The following ASIC2 variants were observed in gnomAD, a reference collection of about 807,000 sequenced individuals.
The protein encoded by ASIC2 is acid-sensing ion channel 2.
Under a neutral mutation model 57.3 loss-of-function variants are expected in ASIC2, and 25 were observed. The ratio of observed to expected loss-of-function variants is 0.44; its 90% CI spans 0.32 to 0.61. The LOEUF (loss-of-function observed/expected upper bound fraction) is 0.61, where lower values mean the gene tolerates loss of function less well. Ranked by LOEUF, ASIC2 falls within the 20% of genes least tolerant of loss-of-function variation. The pLI, the probability that ASIC2 is intolerant of heterozygous loss-of-function variation, is 0.06. For missense variants in ASIC2, 641 were observed against 738.1 expected, an observed-to-expected ratio of 0.87 and a Z score of 1.52; for synonymous variants, 319 against 307.5, an observed-to-expected ratio of 1.04 and a Z score of -0.39.
chr17:33,690,743 G>GTTTTT (rs527881591), intron 1 of ASIC2, among the ~76,000 whole-genome samples: 53 of 81,688 alleles, frequency 6.5e-4, no homozygotes, highest in Admixed American at 8.4e-4. Flanking sequence ...ACTCTTCATT[G>GTTTTT]TTTTTTTTTT....
chr17:34,078,562 C>T (rs574438012), intron 1 of ASIC2, among the ~76,000 whole-genome samples: 1 of 152,206 alleles, frequency 6.6e-6, no homozygotes, highest in Admixed American at 6.5e-5. Context: ...CCTAGCACCC[C>T]CGGAAGTGCT....
chr17:33,083,721 T>C (rs72817096), intron 3 of ASIC2, among the ~76,000 whole-genome samples: 1 of 152,070 alleles, frequency 6.6e-6, no homozygotes, highest in African/African-American at 2.4e-5. Flanking sequence ...TCTGCATCAT[T>C]GGGATGTAGG....
At chr17:33,540,778 C>A (rs1290758251) in intron 1 of ASIC2, among the ~76,000 whole-genome samples, 2 of 152,286 alleles carry the variant, frequency 1.3e-5, no homozygotes, top group South Asian at 2.1e-4. Flanking sequence ...GCACAGAGAT[C>A]AGCACACAGG....
intron 1 of ASIC2, among the ~76,000 whole-genome samples, chr17:33,685,536 G>C (rs1200556834): frequency 1.3e-5 from 2 of 152,180 alleles, no homozygotes. Context: ...TCCAATCAAG[G>C]AGTGACTAGC....
intron 1 of ASIC2, among the ~76,000 whole-genome samples, chr17:33,923,794 A>G (rs1915761240): frequency 1.3e-5 from 2 of 152,166 alleles, no homozygotes; most frequent in South Asian, 4.1e-4. Context: ...AGAAGATAGT[A>G]GAGTATGAGA....
At chr17:33,417,512 A>G (rs748859781) in intron 1 of ASIC2, among the ~76,000 whole-genome samples, 2 of 152,216 alleles carry the variant, frequency 1.3e-5, no homozygotes, top group Non-Finnish European at 1.5e-5. Context: ...GTAAAAAGAC[A>G]GTGATCTTGT....
At chr17:33,794,278 C>G (rs1177680597) in intron 1 of ASIC2, 2 of 152,176 alleles carry the variant, frequency 1.3e-5, no homozygotes, top group African/African-American at 4.8e-5. Flanking sequence ...CAAGGACAGG[C>G]TGAACAGGTC....
At chr17:34,130,880 T>C (rs1370831087) in intron 1 of ASIC2, among the ~76,000 whole-genome samples, 1 of 152,234 alleles carries the variant, frequency 6.6e-6, no homozygotes, top group Non-Finnish European at 1.5e-5. Context: ...CTCTGATGCC[T>C]GCCCTTAGGT....
intron 1 of ASIC2, among the ~76,000 whole-genome samples, chr17:33,968,149 T>A (rs1274481343): frequency 2.6e-5 from 4 of 152,096 alleles, no homozygotes; most frequent in Non-Finnish European, 2.9e-5. Context: ...TTCCTCCACA[T>A]CCCCATGTTG....
At chr17:34,030,609 A>G (rs1188277876) in intron 1 of ASIC2, among the ~76,000 whole-genome samples, 1 of 152,210 alleles carries the variant, frequency 6.6e-6, no homozygotes, top group East Asian at 1.9e-4. Flanking sequence ...TTCCTACTCA[A>G]AGAAAGGGGT....
intron 1 of ASIC2, among the ~76,000 whole-genome samples, chr17:33,336,633 T>G (rs1907524349): frequency 6.6e-6 from 1 of 152,108 alleles, no homozygotes; most frequent in Admixed American, 6.6e-5. Flanking sequence ...GTGAAAATAG[T>G]GAAGTTCAGA....
At chr17:33,750,023 C>T (rs985743459) in intron 1 of ASIC2, among the ~76,000 whole-genome samples, 2 of 152,164 alleles carry the variant, frequency 1.3e-5, no homozygotes, top group Non-Finnish European at 2.9e-5. Flanking sequence ...ATCTAAATAT[C>T]CACTTTCCAG....
chr17:33,157,231 G>T (rs1370995192), intron 1 of ASIC2, among the ~76,000 whole-genome samples: 1 of 152,146 alleles, frequency 6.6e-6, no homozygotes, highest in Non-Finnish European at 1.5e-5. Flanking sequence ...ACCAATCAGG[G>T]CTTCTGACAA....
At chr17:33,483,388 G>T (rs1913475061) in intron 1 of ASIC2, among the ~76,000 whole-genome samples, 1 of 152,228 alleles carries the variant, frequency 6.6e-6, no homozygotes, top group Non-Finnish European at 1.5e-5. Context: ...ACCTGAAGGT[G>T]GTCTTAGCAA....
At position 33,958,725 on chromosome 17, in the gene ASIC2, A is replaced by T. The variant is rs1379962291; in HGVS notation, c.555+197253T>A. Among the ~76,000 whole-genome samples the T allele has an allele frequency of 5.9e-5, 9 of 152,038 alleles. 1 individual carries two copies. The South Asian group carries it at 1.5e-3, about 25-fold the overall frequency. On this transcript the variant is annotated intron_variant, in intron 1 of 9. Coordinates refer to the ASIC2 transcript ENST00000359872. ...TGGCTGCCACAAACGTCTCTGATAC[A>T]CCCTGGAGACATTTTCCCTGTTGTC...
chr17:33,259,432 G>A (rs1909202318), intron 1 of ASIC2, among the ~76,000 whole-genome samples: 3 of 146,080 alleles, frequency 2.1e-5, no homozygotes, highest in African/African-American at 7.6e-5. Context: ...CATTCCACAT[G>A]CAGTAACTAC....
At chr17:33,554,820 T>C (rs887372406) in intron 1 of ASIC2, among the ~76,000 whole-genome samples, 1 of 152,148 alleles carries the variant, frequency 6.6e-6, no homozygotes, top group African/African-American at 2.4e-5. Flanking sequence ...TTTCATATCT[T>C]TCCTTACTGA....
intron 1 of ASIC2, among the ~76,000 whole-genome samples, chr17:33,157,948 A>G (rs568388377): frequency 1.3e-5 from 2 of 152,322 alleles, no homozygotes; most frequent in South Asian, 4.1e-4. Context: ...CTCTCCAAGT[A>G]CAGGCTTCTG....
intron 1 of ASIC2, among the ~76,000 whole-genome samples, chr17:34,093,259 T>G (rs936221397): frequency 6.6e-6 from 1 of 152,130 alleles, no homozygotes; most frequent in Non-Finnish European, 1.5e-5. Flanking sequence ...CTTTCCCACA[T>G]CCTGCACCCA....
Sources: gnomAD v4.1 joint callset for allele counts (sites outside exome capture counted in the v4.1 genomes callset) on GRCh38, gnomAD v4.1.1 for gene constraint, MANE v1.5 for transcripts, NCBI Gene and HGNC (gene_info 2026-07-23, HGNC 2026-07-21) for gene names.